Variants in SLC44A4 observed in about 807,000 individuals in gnomAD.
SLC44A4 encodes solute carrier family 44 member 4, also known as choline transporter-like protein 4.
Under a neutral mutation model 97.0 loss-of-function variants are expected in SLC44A4, and 74 were observed. The ratio of observed to expected loss-of-function variants is 0.76; its 90% CI spans 0.63 to 0.93. The LOEUF is 0.93. SLC44A4 is among the 40% of genes least tolerant of loss of function. SLC44A4 has a pLI of 0.00. For synonymous variants in SLC44A4, 325 were observed against 363.8 expected (o/e 0.89, Z 1.21); for missense variants, 799 against 902.9 (o/e 0.88, Z 1.48).
rs769753046 is a variant in SLC44A4, at chr6:31,869,568, A to G, written c.1107T>C (p.Ile369=). 2 of 1,605,628 alleles carry G rather than the reference A, an allele frequency of 1.2e-6. No homozygotes were observed. The highest frequency in any genetic ancestry group is 1.7e-6 in the Non-Finnish European group (2 of 1,176,800). The change falls in exon 12 of 21, where the codon ATT becomes ATC. Residue 369 remains isoleucine (I), a synonymous_variant. Transcript: ENST00000229729. ...ACAGAGCAGTCATGGCCCAGTAGGC[A>G]ATGCAGATGAGGAGGAGGACAAAGG... is the stretch of plus-strand genomic sequence containing the variant. ...LVTFVLLLIC[I]AYWAMTALYL...
intron 12 of SLC44A4, 135 bp downstream of exon 12, chr6:31,869,410 C>T: frequency 1.1e-6 from 1 of 946,222 alleles, no homozygotes; most frequent in Non-Finnish European, 1.6e-6. Flanking sequence ...TGTTCAGGCA[C>T]AGTGCTGGTG....
Position 31,876,877 on chromosome 6 carries a change from A to G in SLC44A4, c.89+157T>C, listed in dbSNP as rs952481774. 1.3e-5 allele frequency among the ~76,000 whole-genome samples: 2 copies of G among 152,154 alleles called. No homozygotes were observed. The highest frequency in any genetic ancestry group is 2.9e-5 in the Non-Finnish European group (2 of 68,022). ...CTGGGAAGCCCTCGATGCCTGCTCC[A>G]GACACAACAATCCCCCCAGGGCACC... On this transcript the variant is annotated intron_variant, in intron 2 of 20. Transcript: ENST00000229729. The surrounding 1 kb of genome is among the most constrained non-coding windows in gnomAD (Gnocchi z 4.8).
In SLC44A4 at chr6:31,865,585, T is replaced by A; in HGVS notation, c.1599A>T (p.Val533=). The change falls in exon 16 of 21, where the codon GTA becomes GTT. Residue 533 remains valine (V), a synonymous_variant. Transcript: ENST00000229729. This position sits in a 1 kb window ranked among gnomAD's most constrained non-coding sequence, Gnocchi z 5.2. The part of the protein sequence containing the change: ...DHKLRGVQNP[V]ARCIMCCFKC... ...TGAAACAGCACATGATGCAGCGGGC[T>A]ACAGGGTTCTGCACTCCTGGGAGCG... is the stretch of plus-strand genomic sequence containing the variant. 1.2e-6 allele frequency: 2 copies of A among 1,602,776 alleles called. No individual in the cohort carries two copies. Among genetic ancestry groups the A allele is most frequent in the Non-Finnish European group, 1.7e-6 (2 of 1,172,012 alleles).
At chr6:31,873,864 G>A (rs527254) in intron 7 of SLC44A4, among the ~76,000 whole-genome samples, 64,364 of 151,844 alleles carry the variant, frequency 0.42, 13,946 homozygotes, top group Middle Eastern at 0.55. Flanking sequence ...CACGAAGTTA[G>A]GAGTTCAAGA....
Position 31,869,163 on chromosome 6 carries a change from T to G in SLC44A4, c.1225A>C (p.Asn409His). Residue 409 changes from asparagine to histidine, a missense_variant, in exon 13 of 21, where the codon AAC (asparagine) becomes CAC (histidine). By Grantham distance (68) the Asn-to-His change is moderately conservative. Transcript: ENST00000229729. ...CEKVPINTSC[N>H]PTAHLVNSSC... is the part of the protein sequence containing the mutation. ...CCCCTGCTTCCTCTTACCGTGGGGTTGCATGATGTATTTATTGGCACTTTC... is the reference window on the plus strand; with the variant it reads ...CCCCTGCTTCCTCTTACCGTGGGGTGGCATGATGTATTTATTGGCACTTTC... The G allele has an allele frequency of 1.9e-6, 3 of 1,607,596 alleles. No homozygotes were observed. Among genetic ancestry groups the G allele is most frequent in the Non-Finnish European group, 1.7e-6 (2 of 1,177,174 alleles).
At position 31,876,034 on chromosome 6, in the gene SLC44A4, C is replaced by G; in HGVS notation, c.163+22G>C. 6.2e-7 allele frequency: 1 copy of G among 1,613,960 alleles called. No individual in the cohort carries two copies. The highest frequency in any genetic ancestry group is 1.3e-5 in the African/African-American group (1 of 75,018). ...TCCTGTCCCTCACCCACTGCCCTGGCTCTGAGCAGCTGGAAACTCACCCAC... is the reference window on the plus strand; with the variant it reads ...TCCTGTCCCTCACCCACTGCCCTGGGTCTGAGCAGCTGGAAACTCACCCAC... On this transcript the variant is annotated intron_variant, in intron 3 of 20. Transcript: ENST00000229729. This position sits in a 1 kb window ranked among gnomAD's most constrained non-coding sequence, Gnocchi z 4.8.
At chr6:31,864,113 C>T (rs1191184153) in intron 20 of SLC44A4, among the ~76,000 whole-genome samples, 1 of 150,940 alleles carries the variant, frequency 6.6e-6, no homozygotes, top group East Asian at 1.9e-4. Context: ...GTCTTGCTGT[C>T]GCCCAAGCTG....
At position 31,865,428 on chromosome 6, in the gene SLC44A4, G is replaced by T. The variant is rs559342304; in HGVS notation, c.1687-40C>A. On this transcript the variant is annotated intron_variant, in intron 16 of 20. Coordinates refer to ENST00000229729, the MANE Select transcript of SLC44A4 (RefSeq NM_025257.3). The surrounding 1 kb of genome is among the most constrained non-coding windows in gnomAD (Gnocchi z 5.2). ...AAGGTCAGAGTTACCAAGGCGAGCT[G>T]CCTGGACCAGGATGGGGGTGTCTAG... 1 of 1,612,608 alleles carries T rather than the reference G, an allele frequency of 6.2e-7. No individual in the cohort carries two copies. Among genetic ancestry groups the T allele is most frequent in the Non-Finnish European group, 8.5e-7 (1 of 1,178,730 alleles).
intron 13 of SLC44A4, among the ~76,000 whole-genome samples, 159 bp from the exon 14 acceptor site, chr6:31,866,285 C>G (rs1762870433): frequency 6.6e-6 from 1 of 152,148 alleles, no homozygotes. Flanking sequence ...AGAGTTCCAT[C>G]TCCAGGCTCA....
chr6:31,869,661 C>T, intron 11 of SLC44A4, 24 bp from the exon 12 acceptor site: 2 of 1,560,414 alleles, frequency 1.3e-6, no homozygotes, highest in Non-Finnish European at 1.7e-6. Flanking sequence ...AAGCTGTTAA[C>T]CGGCACCGCC....
At chr6:31,870,445 A>G (rs575797780) in intron 11 of SLC44A4, among the ~76,000 whole-genome samples, 158 bp downstream of exon 11, 80 of 152,272 alleles carry the variant, frequency 5.3e-4, no homozygotes, top group Non-Finnish European at 1.0e-3. Context: ...CCCATTTTAC[A>G]GATGGGGAAG....
At chr6:31,875,785 G>A (rs1460047727) in intron 4 of SLC44A4, 67 bp downstream of exon 4, 1 of 1,403,452 alleles carries the variant, frequency 7.1e-7, no homozygotes, top group East Asian at 2.3e-5. Flanking sequence ...GCCTGAGTTG[G>A]GGGGGTGTCT....
intron 4 of SLC44A4, among the ~76,000 whole-genome samples, 198 bp downstream of exon 4, chr6:31,875,654 C>G (rs568181199): frequency 6.6e-6 from 1 of 152,272 alleles, no homozygotes; most frequent in East Asian, 1.9e-4. Flanking sequence ...TCTGGGGGGA[C>G]TCAAGAAGCT....
chr6:31,866,034 C>G lies in SLC44A4; in HGVS notation c.1326G>C (p.Leu442=). 6.2e-7 allele frequency: 1 copy of G among 1,614,210 alleles called. No individual in the cohort carries two copies. Among genetic ancestry groups the G allele is most frequent in the South Asian group, 1.1e-5 (1 of 91,090 alleles). ...KGLIQRSVFN[L]QIYGVLGLFW... ...AGAGCCCCAGGACCCCATAGATTTG[C>G]AGATTGAAGACAGAACGTTGGATTA... The change falls in exon 14 of 21, where the codon CTG becomes CTC. Residue 442 remains leucine, a synonymous_variant. Transcript: ENST00000229729.
rs189222245 is a variant in SLC44A4 at position 31,876,631 on chromosome 6, C to T, written c.89+403G>A. On this transcript the variant is annotated intron_variant, in intron 2 of 20. Coordinates refer to ENST00000229729, the MANE Select transcript of SLC44A4 (RefSeq NM_025257.3). This position sits in a 1 kb window ranked among gnomAD's most constrained non-coding sequence, Gnocchi z 4.8. ...GTGCATGCCTGTAGTCCCAGCTACT[C>T]GGAAGGCTAGGGCAGGAGGATCACT... is the stretch of plus-strand genomic sequence containing the variant. Among the ~76,000 whole-genome samples, 2 of 152,056 alleles carry T rather than the reference C, an allele frequency of 1.3e-5. No homozygotes were observed. The highest frequency in any genetic ancestry group is 2.9e-5 in the Non-Finnish European group (2 of 67,992).
Position 31,870,894 on chromosome 6 carries a change from G to T in SLC44A4, c.855C>A (p.Asp285Glu), listed in dbSNP as rs1239648452. The T allele has an allele frequency of 6.2e-7, 1 of 1,613,030 alleles. No individual in the cohort carries two copies. The highest frequency in any genetic ancestry group is 8.5e-7 in the Non-Finnish European group (1 of 1,180,000). Residue 285 changes from aspartate to glutamate, a missense_variant, in exon 10 of 21, where the codon GAC becomes GAA. By Grantham distance (45) the Asp-to-Glu change is conservative. Around this residue, in one of 3 missense-constraint regions of SLC44A4, gnomAD observed 409 missense variants for 434.1 expected, o/e 0.94. Transcript: ENST00000229729. ...CCAGCTGGGAGATGGAGGCGCCCTT[G>T]TCCCGCAGCACTCGGTACTCCTCCC... ...YCWEEYRVLR[D>E]KGASISQLGF... is the part of the protein sequence containing the mutation.
At chr6:31,871,428 T>C in intron 8 of SLC44A4, 31 bp from the exon 9 acceptor site, 7 of 1,613,228 alleles carry the variant, frequency 4.3e-6, no homozygotes, top group Non-Finnish European at 5.9e-6. Context: ...GATGGGGCTG[T>C]GGGTGGAAGG....
rs547352490 is a variant in SLC44A4 at position 31,865,376 on chromosome 6, C to T, written c.1699G>A (p.Gly567Arg). 1.7e-5 allele frequency: 28 copies of T among 1,613,972 alleles called. No homozygotes were observed. Among genetic ancestry groups the T allele is most frequent in the Admixed American group, 1.5e-4 (9 of 59,998 alleles). The change falls in exon 17 of 21, where the codon GGG becomes AGG. Residue 567 changes from glycine to arginine, a missense_variant. Transcript: ENST00000229729. This position sits in a 1 kb window ranked among gnomAD's most constrained non-coding sequence, Gnocchi z 5.2. ...RNAYIMIAIY[G>R]KNFCVSAKNA... Reference sequence around the variant, plus strand: ...TTGGCTGAGACACAGAAATTCTTCCCGTAGATGGCGATCTGAGGGAGGTGG... The same window carrying T: ...TTGGCTGAGACACAGAAATTCTTCCTGTAGATGGCGATCTGAGGGAGGTGG...
chr6:31,867,315 G>C lies in SLC44A4; in HGVS notation c.1234-1189C>G, dbSNP rs1038571562. Reference sequence around the variant, plus strand: ...TCACCATATTGGCCAGGTTGGTCTCGAACTCTGGACCTCATGATTCACCTG... The same window carrying C: ...TCACCATATTGGCCAGGTTGGTCTCCAACTCTGGACCTCATGATTCACCTG... On this transcript the variant is annotated intron_variant, in intron 13 of 20. Coordinates refer to ENST00000229729, the MANE Select transcript of SLC44A4 (RefSeq NM_025257.3). 2.0e-5 allele frequency among the ~76,000 whole-genome samples: 3 copies of C among 150,682 alleles called. No individual in the cohort carries two copies. The Admixed American group carries it at 2.0e-4, about 10-fold the overall frequency.
Sources: allele counts gnomAD v4.1 joint callset (sites outside exome capture counted in the v4.1 genomes callset), GRCh38; gene constraint gnomAD v4.1.1; regional missense constraint gnomAD v4.1.1; non-coding constraint Gnocchi (gnomAD v3.1); transcripts MANE v1.5; gene names NCBI Gene and HGNC (gene_info 2026-07-23, HGNC 2026-07-21).